PIK3CD: variants seen among roughly 807,000 people sequenced by gnomAD.
PIK3CD encodes the protein phosphatidylinositol 4,5-bisphosphate 3-kinase catalytic subunit delta isoform.
Under a neutral mutation model 122.9 loss-of-function variants are expected in PIK3CD, and 20 were observed. That is an observed-to-expected ratio of 0.16 (90% CI 0.11 to 0.24). PIK3CD has a LOEUF of 0.24. PIK3CD is among the 10% of genes least tolerant of loss of function. The pLI is 1.00. For missense variants in PIK3CD, 787 were observed against 1,406.3 expected, an observed-to-expected ratio of 0.56 and a Z score of 7.04; for synonymous variants, 596 against 593.4, an observed-to-expected ratio of 1.00 and a Z score of -0.06.
intron 1 of PIK3CD, chr1:9,660,938 CT>C (rs1162048316): frequency 2.5e-3 from 361 of 142,826 alleles, no homozygotes; most frequent in Middle Eastern, 0.011. Context: ...TTTTTTCTTT[CT>C]TTTTTTTTTT....
chr1:9,679,962 T>C (rs1645687589), intron 1 of PIK3CD, among the ~76,000 whole-genome samples: 2 of 151,896 alleles, frequency 1.3e-5, no homozygotes, highest in Non-Finnish European at 2.9e-5. Context: ...GTAGCTGGGA[T>C]TACAGGCGCC....
chr1:9,663,128 T>C (rs2100855425), intron 1 of PIK3CD, among the ~76,000 whole-genome samples: 1 of 152,308 alleles, frequency 6.6e-6, no homozygotes, highest in South Asian at 2.1e-4. Flanking sequence ...GTGTCTTCTG[T>C]TCTGGTTTGG....
At chr1:9,706,403 G>A (rs1476858593) in intron 2 of PIK3CD, among the ~76,000 whole-genome samples, 1 of 152,116 alleles carries the variant, frequency 6.6e-6, no homozygotes, top group East Asian at 1.9e-4. Flanking sequence ...TGAGGCTGGA[G>A]GATCGCTTGA....
Position 9,719,901 on chromosome 1 carries a change from C to G in PIK3CD, c.1243-20C>G. ...GGAGGCCCCTGAGTGGCTGTCCTCA[C>G]CTGCCCTGTCCTTCTGCAGGACTGC... On this transcript the variant is annotated intron_variant, in intron 9 of 23. Coordinates refer to ENST00000377346, the MANE Select transcript of PIK3CD (RefSeq NM_005026.5). The surrounding 1 kb of genome is among the most constrained non-coding windows in gnomAD (Gnocchi z 5.5). The G allele has an allele frequency of 6.2e-7, 1 of 1,607,414 alleles. No individual in the cohort carries two copies. Among genetic ancestry groups the G allele is most frequent in the Non-Finnish European group, 8.5e-7 (1 of 1,174,620 alleles).
chr1:9,718,158 G>T lies in PIK3CD; in HGVS notation c.1020+532G>T, dbSNP rs1486714095. ...TGGACATGATACCTGAGTCCTCAGA[G>T]GTTGGCCCTCCTGCCTGGAGTGTGT... On this transcript the variant is annotated intron_variant, in intron 8 of 23. Coordinates refer to ENST00000377346, the MANE Select transcript of PIK3CD (RefSeq NM_005026.5). This position sits in a 1 kb window ranked among gnomAD's most constrained non-coding sequence, Gnocchi z 7.2. 1 of 463,906 alleles carries T rather than the reference G, an allele frequency of 2.2e-6. No homozygotes were observed. The highest frequency in any genetic ancestry group is 4.3e-6 in the Non-Finnish European group (1 of 232,300). The allele number at this position is 463,906 out of a possible 1,614,324, so 28.7% of individuals were successfully genotyped here.
chr1:9,642,243 G>T, the PIK3CD span, among the ~76,000 whole-genome samples: 1 of 151,802 alleles, frequency 6.6e-6, no homozygotes, highest in Non-Finnish European at 1.5e-5. Flanking sequence ...CTCCTGAGTA[G>T]CTGGGACTAC....
intron 1 of PIK3CD, chr1:9,662,669 A>G (rs1419447136): frequency 6.6e-6 from 1 of 151,742 alleles, no homozygotes. Context: ...AAAAGTGAAG[A>G]GCGGTTCCAT....
chr1:9,720,273 G>T lies in PIK3CD; in HGVS notation c.1470+31G>T. 1 of 1,593,398 alleles carries T rather than the reference G, an allele frequency of 6.3e-7. No homozygotes were observed. Among genetic ancestry groups the T allele is most frequent in the Non-Finnish European group, 8.6e-7 (1 of 1,166,542 alleles). ...TGGGGGCCCCGCCGCGTGAGGCTGA[G>T]GGGCTGGCGCGGAGCTCTCCTGGCC... On this transcript the variant is annotated intron_variant, in intron 11 of 23. Transcript: ENST00000377346. This position sits in a 1 kb window ranked among gnomAD's most constrained non-coding sequence, Gnocchi z 9.0.
At chr1:9,699,129 G>C (rs1469830119) in intron 2 of PIK3CD, among the ~76,000 whole-genome samples, 2 of 152,118 alleles carry the variant, frequency 1.3e-5, no homozygotes, top group Non-Finnish European at 2.9e-5. Context: ...AGGATCTCTT[G>C]AGCTTACGAG....
At position 9,689,552 on chromosome 1, in the gene PIK3CD, C is replaced by G. The variant is rs1183029218; in HGVS notation, c.-137-1915C>G. ...CCCGCCCCGGGCCGCGCCCCTCCGCCGAGCCCCGCTTGCCTGCACCTCGCG... is the reference window on the plus strand; with the variant it reads ...CCCGCCCCGGGCCGCGCCCCTCCGCGGAGCCCCGCTTGCCTGCACCTCGCG... On this transcript the variant is annotated intron_variant, in intron 1 of 23. Coordinates refer to ENST00000377346, the MANE Select transcript of PIK3CD (RefSeq NM_005026.5). This position sits in a 1 kb window ranked among gnomAD's most constrained non-coding sequence, Gnocchi z 6.1. 1.4e-5 allele frequency among the ~76,000 whole-genome samples: 2 copies of G among 148,126 alleles called. No individual in the cohort carries two copies. The highest frequency in any genetic ancestry group is 3.0e-5 in the Non-Finnish European group (2 of 66,448).
chr1:9,712,703 C>A (rs1348489937), intron 3 of PIK3CD, among the ~76,000 whole-genome samples: 1 of 152,140 alleles, frequency 6.6e-6, no homozygotes, highest in Non-Finnish European at 1.5e-5. Flanking sequence ...AATTAAGTTT[C>A]TTTTTCCTTC....
At position 9,724,354 on chromosome 1, in the gene PIK3CD, A is replaced by G; in HGVS notation, c.2797A>G (p.Ile933Val). Residue 933 changes from isoleucine to valine, a missense_variant, in exon 22 of 24, where the codon ATC becomes GTC. By Grantham distance (29) the Ile-to-Val change is conservative. Transcript: ENST00000377346. This position sits in a 1 kb window ranked among gnomAD's most constrained non-coding sequence, Gnocchi z 7.3. ...FGINRERVPF[I>V]LTYDFVHVIQ... Reference sequence around the variant, plus strand: ...AATCAACCGCGAGCGTGTCCCATTCATCCTCACCTACGACTTTGTCCATGT... The same window carrying G: ...AATCAACCGCGAGCGTGTCCCATTCGTCCTCACCTACGACTTTGTCCATGT... 1 of 1,614,118 alleles carries G rather than the reference A, an allele frequency of 6.2e-7. No homozygotes were observed. The highest frequency in any genetic ancestry group is 8.5e-7 in the Non-Finnish European group (1 of 1,179,998).
intron 1 of PIK3CD, among the ~76,000 whole-genome samples, chr1:9,657,802 C>A (rs1255188807): frequency 6.6e-6 from 1 of 152,104 alleles, no homozygotes; most frequent in Non-Finnish European, 1.5e-5. Context: ...GATGGTGACA[C>A]AGACACTGCT....
At chr1:9,699,209 G>A (rs1314382553) in intron 2 of PIK3CD, among the ~76,000 whole-genome samples, 2 of 152,046 alleles carry the variant, frequency 1.3e-5, no homozygotes, top group Admixed American at 1.3e-4. Context: ...GACCCTCTCT[G>A]CGAACCGTGC....
In PIK3CD at chr1:9,710,633, A is replaced by AGAGG; in HGVS notation, c.141+40_141+41insGGAG. Reference sequence around the variant, plus strand: ...ATCCGGTCCTCAGACCTTGGTGCTCAGAGAGAGAGAGAGAGAGAGAGACAC... The same window carrying AGAGG: ...ATCCGGTCCTCAGACCTTGGTGCTCAGAGGGAGAGAGAGAGAGAGAGAGAGACAC... On this transcript the variant is annotated intron_variant, in intron 3 of 23. Coordinates refer to ENST00000377346, the MANE Select transcript of PIK3CD (RefSeq NM_005026.5). This position sits in a 1 kb window ranked among gnomAD's most constrained non-coding sequence, Gnocchi z 4.7. 1 of 604,496 alleles carries AGAGG rather than the reference A, an allele frequency of 1.7e-6. No individual in the cohort carries two copies. The highest frequency in any genetic ancestry group is 6.8e-5 in the East Asian group (1 of 14,794). The allele number at this position is 604,496 out of a possible 1,614,324, so 37.4% of individuals were successfully genotyped here.
rs539277530 is a variant in PIK3CD at position 9,710,859 on chromosome 1, C to T, written c.141+263C>T. On this transcript the variant is annotated intron_variant, in intron 3 of 23. Coordinates refer to ENST00000377346, the MANE Select transcript of PIK3CD (RefSeq NM_005026.5). This position sits in a 1 kb window ranked among gnomAD's most constrained non-coding sequence, Gnocchi z 4.7. ...GGTGTGCAATGGCGCAATCTCGGCT[C>T]ACTGCAACCTCCAACTCCCGGGTTC... Among the ~76,000 whole-genome samples, 4 of 152,310 alleles carry T rather than the reference C, an allele frequency of 2.6e-5. No individual in the cohort carries two copies. The East Asian group carries it at 5.8e-4, about 22-fold the overall frequency.
chr1:9,654,527 G>A (rs1644784957), intron 1 of PIK3CD: 3 of 753,602 alleles, frequency 4.0e-6, no homozygotes, highest in Non-Finnish European at 6.0e-6. Flanking sequence ...GGAATTCATG[G>A]AGGTGGGAGT....
Position 9,718,947 on chromosome 1 carries a change from G to C in PIK3CD, c.1242+32G>C, listed in dbSNP as rs1021300737. 3.1e-6 allele frequency: 5 copies of C among 1,592,698 alleles called. No homozygotes were observed. The African/African-American group carries it at 6.7e-5, about 21-fold the overall frequency. ...CCCAGGGCCGGCTGGGAGGGGTGCA[G>C]ACCCCGGAGAGCCAGTACAGCCCCT... On this transcript the variant is annotated intron_variant, in intron 9 of 23. Coordinates refer to ENST00000377346, the MANE Select transcript of PIK3CD (RefSeq NM_005026.5). The surrounding 1 kb of genome is among the most constrained non-coding windows in gnomAD (Gnocchi z 7.2).
chr1:9,651,493 A>G (rs761301915), upstream of PIK3CD, among the ~76,000 whole-genome samples: 8 of 152,186 alleles, frequency 5.3e-5, no homozygotes, highest in Non-Finnish European at 1.2e-4. Flanking sequence ...TCCTTTGCAT[A>G]AAAAGAAAAC....
Sources: allele counts gnomAD v4.1 joint callset (sites outside exome capture counted in the v4.1 genomes callset), GRCh38; gene constraint gnomAD v4.1.1; non-coding constraint Gnocchi (gnomAD v3.1); transcripts MANE v1.5; gene names NCBI Gene and HGNC (gene_info 2026-07-23, HGNC 2026-07-21).